TSC1: variants seen among roughly 807,000 people sequenced by gnomAD.
TSC1 encodes TSC complex subunit 1, also known as hamartin.
In TSC1, 20 loss-of-function variants were observed where a neutral mutation model predicts 124.3. The ratio of observed to expected loss-of-function variants is 0.16; its 90% confidence interval spans 0.11 to 0.23. The LOEUF (loss-of-function observed/expected upper bound fraction) is 0.23, where lower values mean the gene tolerates loss of function less well. Ranked by LOEUF, TSC1 falls within the 10% of genes least tolerant of loss-of-function variation. The pLI is 1.00. For missense variants in TSC1, 1,124 were observed against 1,448.5 expected (o/e 0.78, Z 3.64); for synonymous variants, 493 against 539.1 (o/e 0.91, Z 1.19).
intron 1 of TSC1, among the ~76,000 whole-genome samples, chr9:132,937,151 G>A (rs1417022850): frequency 6.6e-6 from 1 of 152,212 alleles, no homozygotes; most frequent in Non-Finnish European, 1.5e-5. Flanking sequence ...GAATTAAAGT[G>A]CAGGAGCCCA....
rs2131591278 is a variant in TSC1 at position 132,896,354 on chromosome 9, C to A, written c.3376G>T (p.Gly1126Cys). ...SLKTELGKDL[G>C]VEAKIPLNLD... ...TTCAGGGGAATCTTGGCTTCCACAC[C>A]CAAGTCTTTGCCCAGTTCTGTCTTT... Residue 1126 changes from glycine to cysteine, a missense_variant, in exon 23 of 23, where the codon GGT becomes TGT. Gly to Cys is a radical substitution (Grantham distance 159). This residue lies in a region of TSC1 where 325 missense variants were observed against 383.4 expected (regional missense o/e 0.85). Transcript: ENST00000298552. This position sits in a 1 kb window ranked among gnomAD's most constrained non-coding sequence, Gnocchi z 4.5. 6.2e-7 allele frequency: 1 copy of A among 1,614,116 alleles called. No homozygotes were observed.
chr9:132,898,969 C>T (rs144784643), intron 20 of TSC1: 14,923 of 152,284 alleles, frequency 0.098, 1,322 homozygotes, highest in African/African-American at 0.23. Context: ...CTCTGTTGAC[C>T]GGGCTGGAGT....
rs2132153190 is a variant in TSC1 at position 132,921,870 on chromosome 9, A to G, written c.612T>C (p.Arg204=). The G allele has an allele frequency of 6.2e-7, 1 of 1,614,226 alleles. No individual in the cohort carries two copies. The highest frequency in any genetic ancestry group is 8.5e-7 in the Non-Finnish European group (1 of 1,180,032). ...GGTTTTCTTTCATACTGTAATGAGA[A>G]CGCAAAAAGGAGACGAAGTTGCAAG... The part of the protein sequence containing the change: ...MYPCNFVSFL[R]SHYSMKENLE... The change falls in exon 7 of 23, where the codon CGT becomes CGC. Residue 204 remains arginine (R), a synonymous_variant. Coordinates refer to ENST00000298552, the MANE Select transcript of TSC1 (RefSeq NM_000368.5). The surrounding 1 kb of genome is among the most constrained non-coding windows in gnomAD (Gnocchi z 4.3).
Position 132,893,456 on chromosome 9 carries a change from A to G in TSC1, c.*2779T>C, listed in dbSNP as rs139067673. The stretch of plus-strand genomic sequence containing the variant: ...TGAAAATCCATCAAAGTTCTATCAG[A>G]TGCAGATCTGTGTGTTTATTCACCT... On this transcript the variant is annotated 3_prime_UTR_variant, in exon 23 of 23. Transcript: ENST00000298552. 8.6e-6 allele frequency: 2 copies of G among 233,296 alleles called. No homozygotes were observed. Among genetic ancestry groups the G allele is most frequent in the East Asian group, 6.0e-5 (1 of 16,596 alleles). The allele number at this position is 233,296 out of a possible 1,614,324, so 14.5% of individuals were successfully genotyped here.
intron 2 of TSC1, 105 bp from the exon 3 acceptor site, chr9:132,929,057 A>C: frequency 1.0e-6 from 1 of 990,936 alleles, no homozygotes; most frequent in Non-Finnish European, 1.4e-6. Flanking sequence ...TGCAATGGAA[A>C]GTTTGGCCAG....
chr9:132,938,154 ATATTTT>A (rs1265351937), intron 1 of TSC1, among the ~76,000 whole-genome samples: 1 of 152,224 alleles, frequency 6.6e-6, no homozygotes, highest in Non-Finnish European at 1.5e-5. Context: ...ACTCTTATTT[ATATTTT>A]TAAGTGTTTA....
chr9:132,911,223 A>G (rs1210313636), intron 10 of TSC1, 110 bp from the exon 11 acceptor site: 21 of 938,270 alleles, frequency 2.2e-5, no homozygotes, highest in Non-Finnish European at 8.6e-6. Flanking sequence ...CATCTAGAAA[A>G]AGGCATCTTA....
chr9:132,932,116 C>T lies in TSC1; in HGVS notation c.-81+2917G>A, dbSNP rs540340408. On this transcript the variant is annotated intron_variant, in intron 2 of 22. Transcript: ENST00000298552. ...CAACTGGGTGAATGGATTTCTGTATCGTACATGCTAAAGCAATATTCCATT... is the reference window on the plus strand; with the variant it reads ...CAACTGGGTGAATGGATTTCTGTATTGTACATGCTAAAGCAATATTCCATT... Among the ~76,000 whole-genome samples the T allele has an allele frequency of 8.5e-5, 13 of 152,322 alleles. No homozygotes were observed. In the South Asian group the frequency reaches 1.9e-3, roughly 22 times the overall value.
rs1233931873 is a variant in TSC1 at position 132,895,519 on chromosome 9, G to A, written c.*716C>T. 4.3e-6 allele frequency: 1 copy of A among 233,758 alleles called. No homozygotes were observed. The highest frequency in any genetic ancestry group is 8.5e-6 in the Non-Finnish European group (1 of 118,276). 14.5% of individuals were successfully genotyped at this position (233,758 alleles called of 1,614,324 possible). On this transcript the variant is annotated 3_prime_UTR_variant, in exon 23 of 23. Coordinates refer to ENST00000298552, the MANE Select transcript of TSC1 (RefSeq NM_000368.5). ...ACACCAAATAAATAAGAGGTAGTGG[G>A]GGAAGAAGAGACAAGAGCTTTCCCA...
intron 8 of TSC1, 183 bp from the exon 9 acceptor site, chr9:132,912,640 C>A (rs1025348693): frequency 4.6e-6 from 3 of 653,520 alleles, no homozygotes; most frequent in Non-Finnish European, 8.0e-6. Context: ...AATCCTATAC[C>A]TTCCCTGTTT....
At chr9:132,934,827 A>G (rs951340456) in intron 2 of TSC1, among the ~76,000 whole-genome samples, 1 of 152,274 alleles carries the variant, frequency 6.6e-6, no homozygotes, top group Non-Finnish European at 1.5e-5. Flanking sequence ...GAAGAAAGTA[A>G]CGCATATAAT....
At chr9:132,915,256 G>A (rs113431234) in intron 8 of TSC1, among the ~76,000 whole-genome samples, 192 of 152,180 alleles carry the variant, frequency 1.3e-3, no homozygotes, top group African/African-American at 3.4e-3. Context: ...GAAGCAGGAG[G>A]ATCACTTGAG....
chr9:132,901,506 A>T, intron 19 of TSC1, 83 bp downstream of exon 19: 1 of 1,249,094 alleles, frequency 8.0e-7, no homozygotes, highest in Non-Finnish European at 1.2e-6. Flanking sequence ...ACACTCAAGT[A>T]ATCTATTTCT....
intron 1 of TSC1, among the ~76,000 whole-genome samples, chr9:132,937,242 G>C (rs1055681563): frequency 6.6e-6 from 1 of 152,212 alleles, no homozygotes; most frequent in Admixed American, 6.5e-5. Context: ...TCGGGAGTTT[G>C]AGACCAACCT....
At position 132,902,832 on chromosome 9, in the gene TSC1, C is replaced by T. The variant is rs1845459569; in HGVS notation, c.2209-45G>A. The T allele has an allele frequency of 6.2e-7, 1 of 1,608,038 alleles. No homozygotes were observed. Among genetic ancestry groups the T allele is most frequent in the Non-Finnish European group, 8.5e-7 (1 of 1,176,664 alleles). ...TCATCATTTTAGCTGTCTTCCAACA[C>T]AGGCAATTTAACACACACTGCGAAC... On this transcript the variant is annotated intron_variant, in intron 17 of 22. Transcript: ENST00000298552. The surrounding 1 kb of genome is among the most constrained non-coding windows in gnomAD (Gnocchi z 5.2).
intron 6 of TSC1, among the ~76,000 whole-genome samples, chr9:132,922,922 C>T (rs551638444): frequency 3.1e-4 from 47 of 152,204 alleles, no homozygotes; most frequent in African/African-American, 1.1e-3. Flanking sequence ...CAGGACACAC[C>T]GCATTTCCCT....
At chr9:132,929,423 C>T (rs1016257320) in intron 2 of TSC1, among the ~76,000 whole-genome samples, 1 of 152,150 alleles carries the variant, frequency 6.6e-6, no homozygotes, top group African/African-American at 2.4e-5. Flanking sequence ...CTGTTAAGTC[C>T]AACATCTAGC....
chr9:132,910,496 T>C, intron 12 of TSC1, 75 bp downstream of exon 12: 2 of 1,612,188 alleles, frequency 1.2e-6, no homozygotes, highest in Non-Finnish European at 1.7e-6. Context: ...CTGGCATAAT[T>C]AGGCTTCTCA....
chr9:132,904,306 A>T, intron 16 of TSC1, 105 bp downstream of exon 16: 1 of 1,264,604 alleles, frequency 7.9e-7, no homozygotes, highest in East Asian at 2.4e-5. Flanking sequence ...AGCAATAGCC[A>T]AGGGGAGATC....
Sources: allele counts gnomAD v4.1 joint callset (sites outside exome capture counted in the v4.1 genomes callset), GRCh38; gene constraint gnomAD v4.1.1; regional missense constraint gnomAD v4.1.1; non-coding constraint Gnocchi (gnomAD v3.1); transcripts MANE v1.5; gene names NCBI Gene and HGNC (gene_info 2026-07-23, HGNC 2026-07-21).